The following MAST4 variants were observed in gnomAD, a reference collection of about 807,000 sequenced individuals.
MAST4 encodes microtubule associated serine/threonine kinase family member 4.
MAST4 carries 89 observed loss-of-function variants against 162.7 expected under a neutral mutation model. The ratio of observed to expected loss-of-function variants is 0.55; its 90% CI spans 0.46 to 0.65. MAST4 has a LOEUF of 0.65. Among genes scored for constraint, MAST4 ranks in the 30% least tolerant of loss-of-function variants. The pLI, the probability that MAST4 is intolerant of heterozygous loss-of-function variation, is 0.00. For synonymous variants in MAST4, 1,479 were observed against 1,361.1 expected (o/e 1.09, Z -1.91); for missense variants, 3,153 against 3,374.0 (o/e 0.93, Z 1.62).
chr5:66,754,544 A>C (rs556553368), intron 1 of MAST4, among the ~76,000 whole-genome samples: 1 of 151,860 alleles, frequency 6.6e-6, no homozygotes, highest in Non-Finnish European at 1.5e-5. Flanking sequence ...TGTGTTTTCT[A>C]TTTTTTTCCT....
chr5:66,968,953 G>T (rs1030780281), intron 4 of MAST4, among the ~76,000 whole-genome samples: 1 of 152,214 alleles, frequency 6.6e-6, no homozygotes, highest in Non-Finnish European at 1.5e-5. Context: ...CTAAGGAGGA[G>T]TAGTAGAATG....
At chr5:66,643,070 A>T (rs1300186102) in intron 1 of MAST4, among the ~76,000 whole-genome samples, 3 of 152,170 alleles carry the variant, frequency 2.0e-5, no homozygotes, top group East Asian at 1.9e-4. Context: ...AAAAATATAT[A>T]TGGCTGACAC....
intron 4 of MAST4, among the ~76,000 whole-genome samples, chr5:66,957,414 C>T (rs527719994): frequency 2.0e-5 from 3 of 152,032 alleles, no homozygotes; most frequent in African/African-American, 2.4e-5. Context: ...GGACTCAAAC[C>T]GTCTTCCCGC....
rs1275267588 is a variant in MAST4, at chr5:66,825,474, C to T, written c.642+36680C>T. Among the ~76,000 whole-genome samples the T allele has an allele frequency of 4.6e-5, 7 of 152,164 alleles. No homozygotes were observed. The East Asian group carries it at 5.8e-4, about 13-fold the overall frequency. On this transcript the variant is annotated intron_variant, in intron 3 of 28. Transcript: ENST00000403625. Reference sequence around the variant, plus strand: ...TGACTGCATGTGAAAAATATCTGGCCGTGTAAATCAGAGGGGAACCCATAT... The same window carrying T: ...TGACTGCATGTGAAAAATATCTGGCTGTGTAAATCAGAGGGGAACCCATAT...
At chr5:66,780,201 A>G (rs1754793680) in intron 2 of MAST4, among the ~76,000 whole-genome samples, 2 of 152,168 alleles carry the variant, frequency 1.3e-5, no homozygotes, top group African/African-American at 4.8e-5. Flanking sequence ...CTTTGTACCC[A>G]TTAAACAGGA....
chr5:66,669,558 G>A (rs1488385768), intron 1 of MAST4, among the ~76,000 whole-genome samples: 1 of 152,170 alleles, frequency 6.6e-6, no homozygotes, highest in African/African-American at 2.4e-5. Flanking sequence ...GGAGAGGTAG[G>A]GAGCAAATAC....
intron 4 of MAST4, among the ~76,000 whole-genome samples, chr5:66,941,981 T>G (rs1043289580): frequency 2.6e-5 from 4 of 152,106 alleles, no homozygotes; most frequent in African/African-American, 9.7e-5. Flanking sequence ...ACACTGTTTG[T>G]GGTGCCCCAA....
intron 3 of MAST4, among the ~76,000 whole-genome samples, chr5:66,837,881 TA>T (rs1561368534): frequency 2.2e-4 from 12 of 54,616 alleles, no homozygotes; most frequent in African/African-American, 1.1e-3. Context: ...TATATATATA[TA>T]TATATATATA....
chr5:66,615,719 G>A (rs189255389), intron 1 of MAST4, among the ~76,000 whole-genome samples: 48 of 152,188 alleles, frequency 3.2e-4, no homozygotes, highest in Admixed American at 2.6e-3. Flanking sequence ...AGGTTGAGAC[G>A]GAGGATTGAG....
rs1766086815 is a variant in MAST4 at position 67,110,287 on chromosome 5, A to G, written c.1458+88A>G. On this transcript the variant is annotated intron_variant, in intron 11 of 28. Transcript: ENST00000403625. The stretch of plus-strand genomic sequence containing the variant: ...AAAGCTCCTTCATTTGGTTTCCAGC[A>G]CCAGAGCTAAATGGAAAGAGTCAAA... 3.3e-6 allele frequency: 3 copies of G among 919,670 alleles called. No individual in the cohort carries two copies. In the East Asian group the frequency reaches 7.3e-5, roughly 22 times the overall value. The allele number at this position is 919,670 out of a possible 1,614,324, so 57.0% of individuals were successfully genotyped here. A position where few individuals can be genotyped will look rare whatever the true frequency, so the allele number is the denominator to read the frequency against.
intron 5 of MAST4, among the ~76,000 whole-genome samples, chr5:67,078,925 T>TTTATATAA (rs1762215758): frequency 1.2e-5 from 1 of 86,288 alleles, no homozygotes; most frequent in African/African-American, 5.8e-5. Context: ...TATATATATA[T>TTTATATAA]ATATATATAT....
chr5:66,820,823 A>G (rs771638765), intron 3 of MAST4, among the ~76,000 whole-genome samples: 3 of 152,176 alleles, frequency 2.0e-5, no homozygotes, highest in Non-Finnish European at 2.9e-5. Flanking sequence ...AATTTTTTCA[A>G]TACCATGATT....
chr5:67,090,818 C>T (rs555959530), intron 6 of MAST4, among the ~76,000 whole-genome samples: 2 of 151,754 alleles, frequency 1.3e-5, no homozygotes, highest in East Asian at 2.0e-4. Context: ...TCTGCTATGA[C>T]GTAGCCAAGT....
At chr5:67,129,282 A>T (rs1041887524) in intron 14 of MAST4, among the ~76,000 whole-genome samples, 4 of 152,188 alleles carry the variant, frequency 2.6e-5, no homozygotes, top group African/African-American at 9.7e-5. Context: ...CCTTTGTTGC[A>T]GGACAGCCCC....
chr5:66,906,355 AT>A (rs927666028), intron 4 of MAST4, among the ~76,000 whole-genome samples: 2 of 152,132 alleles, frequency 1.3e-5, no homozygotes, highest in African/African-American at 4.8e-5. Flanking sequence ...GGGACTTAGA[AT>A]TTTATATTTG....
rs1774155673 is a variant in MAST4, at chr5:67,167,204, C to G, written c.*153C>G. The G allele has an allele frequency of 2.6e-6, 1 of 388,050 alleles. No homozygotes were observed. The highest frequency in any genetic ancestry group is 4.1e-6 in the Non-Finnish European group (1 of 243,540). 24.0% of individuals were successfully genotyped at this position (388,050 alleles called of 1,614,324 possible). On this transcript the variant is annotated 3_prime_UTR_variant, in exon 29 of 29. Coordinates refer to ENST00000403625, the MANE Select transcript of MAST4 (RefSeq NM_001164664.2). ...GGGAGAGAGAAAGACAAAGAGGGGA[C>G]CTTCTTCCAGATGCCTTCCCAGTTG...
chr5:66,912,481 A>G (rs1175398910), intron 4 of MAST4, among the ~76,000 whole-genome samples: 1 of 152,238 alleles, frequency 6.6e-6, no homozygotes, highest in East Asian at 1.9e-4. Flanking sequence ...CTTGGAAGCA[A>G]TGAAGTATAT....
chr5:67,112,199 A>G (rs1023740347), intron 11 of MAST4, among the ~76,000 whole-genome samples: 5 of 152,234 alleles, frequency 3.3e-5, no homozygotes, highest in African/African-American at 1.2e-4. Flanking sequence ...CTTTAAGTCA[A>G]TAAGCATAAT....
At chr5:66,826,860 G>A (rs1179604988) in intron 3 of MAST4, among the ~76,000 whole-genome samples, 3 of 152,200 alleles carry the variant, frequency 2.0e-5, no homozygotes, top group African/African-American at 7.2e-5. Context: ...TATATTCGGA[G>A]CTGCTGCCAA....
Sources: allele counts gnomAD v4.1 joint callset (sites outside exome capture counted in the v4.1 genomes callset), GRCh38; gene constraint gnomAD v4.1.1; transcripts MANE v1.5; gene names NCBI Gene and HGNC (gene_info 2026-07-23, HGNC 2026-07-21).